The following PTPRD variants were observed in gnomAD, a reference collection of about 807,000 sequenced individuals.
The protein encoded by PTPRD is receptor-type tyrosine-protein phosphatase delta.
PTPRD carries 34 observed loss-of-function variants against 214.5 expected under a neutral mutation model. That is an observed-to-expected ratio of 0.16 (90% CI 0.12 to 0.21). PTPRD has a LOEUF of 0.21. PTPRD is among the 10% of genes least tolerant of loss of function. PTPRD has a pLI of 1.00. For missense variants in PTPRD, 2,545 were observed against 2,398.7 expected (o/e 1.06, Z -1.27); for synonymous variants, 1,128 against 845.7 (o/e 1.33, Z -5.79).
At chr9:10,162,229 A>G (rs1408080006) in intron 3 of PTPRD, among the ~76,000 whole-genome samples, 1 of 151,602 alleles carries the variant, frequency 6.6e-6, no homozygotes, top group African/African-American at 2.4e-5. Context: ...AGTAAATCAA[A>G]GAAATATGTA....
intron 5 of PTPRD, among the ~76,000 whole-genome samples, chr9:9,878,620 T>G (rs1226238495): frequency 1.3e-5 from 2 of 152,310 alleles, no homozygotes; most frequent in East Asian, 3.9e-4. Context: ...CTGCGTACAT[T>G]GCTGGATGAA....
intron 11 of PTPRD, among the ~76,000 whole-genome samples, chr9:8,913,864 C>T (rs2098765853): frequency 6.6e-6 from 1 of 152,054 alleles, no homozygotes; most frequent in Non-Finnish European, 1.5e-5. Flanking sequence ...GGATTAAATC[C>T]TGGACCATCT....
At chr9:9,385,225 A>G (rs933587391) in intron 9 of PTPRD, among the ~76,000 whole-genome samples, 2 of 152,098 alleles carry the variant, frequency 1.3e-5, no homozygotes, top group South Asian at 4.1e-4. Context: ...TTTCACCTAT[A>G]TTCATTTGGA....
chr9:8,418,037 C>T (rs894803720), intron 35 of PTPRD, among the ~76,000 whole-genome samples: 1 of 152,006 alleles, frequency 6.6e-6, no homozygotes, highest in Non-Finnish European at 1.5e-5. Context: ...TCAGGAATTG[C>T]CATGTTGTGG....
intron 3 of PTPRD, among the ~76,000 whole-genome samples, chr9:10,276,412 A>C (rs75100906): frequency 0.03 from 4,500 of 152,314 alleles, 178 homozygotes; most frequent in East Asian, 0.2. Context: ...GTTGAAAATG[A>C]CAACTAATTT....
chr9:9,669,754 C>T (rs562648912), intron 7 of PTPRD, among the ~76,000 whole-genome samples: 1 of 151,628 alleles, frequency 6.6e-6, no homozygotes, highest in Non-Finnish European at 1.5e-5. Flanking sequence ...TTCAAAAGTC[C>T]CCATATAAAA....
chr9:9,690,068 C>A (rs1390900962), intron 7 of PTPRD, among the ~76,000 whole-genome samples: 3 of 151,902 alleles, frequency 2.0e-5, no homozygotes, highest in Non-Finnish European at 4.4e-5. Flanking sequence ...ACCCTCCATA[C>A]TATTTTCCCT....
intron 10 of PTPRD, among the ~76,000 whole-genome samples, chr9:9,024,485 A>T (rs2099580849): frequency 6.6e-6 from 1 of 151,612 alleles, no homozygotes; most frequent in South Asian, 2.1e-4. Flanking sequence ...TACAAAAATT[A>T]TAATATCTAT....
chr9:10,610,878 C>G (rs1001812908), intron 2 of PTPRD, among the ~76,000 whole-genome samples: 3 of 152,082 alleles, frequency 2.0e-5, no homozygotes, highest in African/African-American at 4.8e-5. Flanking sequence ...TAAAACATCT[C>G]TACTTTTTTG....
chr9:8,371,756 A>G (rs756628799), intron 39 of PTPRD, among the ~76,000 whole-genome samples: 1 of 152,078 alleles, frequency 6.6e-6, no homozygotes, highest in Non-Finnish European at 1.5e-5. Flanking sequence ...AGAAAATGCT[A>G]TTTAAGTTGG....
intron 7 of PTPRD, among the ~76,000 whole-genome samples, chr9:9,708,311 T>C (rs1003733070): frequency 1.3e-5 from 2 of 152,110 alleles, no homozygotes; most frequent in Non-Finnish European, 2.9e-5. Flanking sequence ...ATGGCAATTC[T>C]CTTCCCTCAT....
chr9:9,044,378 C>A (rs1476613686), intron 10 of PTPRD, among the ~76,000 whole-genome samples: 1 of 152,206 alleles, frequency 6.6e-6, no homozygotes, highest in Non-Finnish European at 1.5e-5. Flanking sequence ...TGTTAATCTG[C>A]TACAAATATT....
chr9:9,349,694 ATCTT>A (rs1359058497), intron 9 of PTPRD, among the ~76,000 whole-genome samples: 1 of 151,686 alleles, frequency 6.6e-6, no homozygotes, highest in African/African-American at 2.4e-5. Flanking sequence ...AGTGATAATA[ATCTT>A]TCTCTTTCCT....
At chr9:9,826,291 T>C (rs551069049) in intron 5 of PTPRD, among the ~76,000 whole-genome samples, 2 of 151,890 alleles carry the variant, frequency 1.3e-5, no homozygotes, top group African/African-American at 4.8e-5. Flanking sequence ...GATTTTCTTT[T>C]ATCTATATTT....
At chr9:9,645,457 G>GTA (rs150506021) in intron 7 of PTPRD, among the ~76,000 whole-genome samples, 24,721 of 134,102 alleles carry the variant, frequency 0.18, 2,434 homozygotes, top group Admixed American at 0.34. Flanking sequence ...CTACATATAT[G>GTA]TATATATATA....
rs1423267087 is a variant in PTPRD, at chr9:10,074,482, G to GTATTT, written c.-544-40697_-544-40693dup. Reference sequence around the variant, plus strand: ...AACTTCTAAAGCTGACAGAGGAGTAGTATTTATTATTTTTAAAAGGTGTGA... The same window carrying GTATTT: ...AACTTCTAAAGCTGACAGAGGAGTAGTATTTTATTTATTATTTTTAAAAGGTGTGA... On this transcript the variant is annotated intron_variant, in intron 3 of 45. Coordinates refer to ENST00000381196, the MANE Select transcript of PTPRD (RefSeq NM_002839.4). Among the ~76,000 whole-genome samples, 11 of 152,184 alleles carry GTATTT rather than the reference G, an allele frequency of 7.2e-5. No individual in the cohort carries two copies. The East Asian group carries it at 2.1e-3, about 29-fold the overall frequency.
At chr9:9,199,452 A>C (rs1303420784) in intron 9 of PTPRD, among the ~76,000 whole-genome samples, 1 of 152,202 alleles carries the variant, frequency 6.6e-6, no homozygotes. Context: ...TGTAAAATGC[A>C]TCTCTACTGG....
chr9:10,069,942 T>G (rs555641960), intron 3 of PTPRD, among the ~76,000 whole-genome samples: 1 of 152,178 alleles, frequency 6.6e-6, no homozygotes, highest in East Asian at 1.9e-4. Context: ...TAAATGATGC[T>G]CTAGGATACT....
At chr9:10,584,035 G>C (rs117612618) in intron 2 of PTPRD, among the ~76,000 whole-genome samples, 1,545 of 152,198 alleles carry the variant, frequency 0.01, 11 homozygotes, top group Non-Finnish European at 0.016. Context: ...AGTGAATTGT[G>C]AGTCAATAAG....
Sources: allele counts gnomAD v4.1 joint callset (sites outside exome capture counted in the v4.1 genomes callset), GRCh38; gene constraint gnomAD v4.1.1; transcripts MANE v1.5; gene names NCBI Gene and HGNC (gene_info 2026-07-23, HGNC 2026-07-21).